Variants in VASH2 observed in about 807,000 individuals in gnomAD.
The protein encoded by VASH2 is vasohibin 2, also known as tubulinyl-Tyr carboxypeptidase 2.
Under a neutral mutation model 37.2 loss-of-function variants are expected in VASH2, and 28 were observed. The ratio of observed to expected loss-of-function variants is 0.75; its 90% confidence interval spans 0.56 to 1.03. The LOEUF is 1.03. Ranked by LOEUF, VASH2 falls within the 50% of genes least tolerant of loss-of-function variation. The pLI, the probability that VASH2 is intolerant of heterozygous loss-of-function variation, is 0.00. For missense variants in VASH2, 419 were observed against 459.1 expected (o/e 0.91, Z 0.80); for synonymous variants, 188 against 174.7 (o/e 1.08, Z -0.60).
At position 212,989,770 on chromosome 1, in the gene VASH2, C is replaced by T. The variant is rs2075838887; in HGVS notation, c.*1186C>T. On this transcript the variant is annotated 3_prime_UTR_variant, in exon 8 of 8. Transcript: ENST00000517399. ...GAAAAGTCTTCGGTCCAGTGTTACA[C>T]CTTATAGTGTAATTCAGTCCCTAAG... is the stretch of plus-strand genomic sequence containing the variant. 1 of 151,866 alleles carries T rather than the reference C, an allele frequency of 6.6e-6. No homozygotes were observed. Among genetic ancestry groups the T allele is most frequent in the Non-Finnish European group, 1.5e-5 (1 of 67,986 alleles). The allele number at this position is 151,866 out of a possible 1,614,324, so 9.4% of individuals were successfully genotyped here. A position where few individuals can be genotyped will look rare whatever the true frequency, so the allele number is the denominator to read the frequency against.
At chr1:212,988,028 T>C (rs1667533360) in intron 7 of VASH2, among the ~76,000 whole-genome samples, 1 of 152,224 alleles carries the variant, frequency 6.6e-6, no homozygotes, top group South Asian at 2.1e-4. Context: ...AAGATTCACC[T>C]TGATTTTATA....
At chr1:212,978,866 C>T (rs923770137) in intron 7 of VASH2, among the ~76,000 whole-genome samples, 1 of 152,172 alleles carries the variant, frequency 6.6e-6, no homozygotes, top group Non-Finnish European at 1.5e-5. Context: ...TCTCTTTCTC[C>T]AGCACTTGGA....
At chr1:212,960,526 A>G (rs541351520) in intron 2 of VASH2, among the ~76,000 whole-genome samples, 4 of 152,174 alleles carry the variant, frequency 2.6e-5, no homozygotes, top group Admixed American at 6.5e-5. Flanking sequence ...CCATGTTGCA[A>G]TTCGCTAGGG....
chr1:212,972,992 A>G (rs1160735964), intron 6 of VASH2, 31 bp downstream of exon 6: 2 of 1,591,582 alleles, frequency 1.3e-6, no homozygotes, highest in African/African-American at 2.7e-5. Context: ...GAAGCCATGC[A>G]GGAGAGCTCT....
chr1:212,965,882 T>G, intron 4 of VASH2, 104 bp downstream of exon 4: 1 of 1,229,826 alleles, frequency 8.1e-7, no homozygotes, highest in South Asian at 1.3e-5. Flanking sequence ...TCAGGTATCC[T>G]AGTCTGTAAG....
At position 212,961,145 on chromosome 1, in the gene VASH2, CT is replaced by C. The variant is rs1666662891; in HGVS notation, c.277-20del. ...AGAGCGCCTCCTTCATAAACACCTC[CT>C]CTTCTCTATTTTTCTGCAGCCTTCA... On this transcript the variant is annotated intron_variant, in intron 2 of 7. Transcript: ENST00000517399. 2 of 1,613,704 alleles carry C rather than the reference CT, an allele frequency of 1.2e-6. No individual in the cohort carries two copies. Among genetic ancestry groups the C allele is most frequent in the Non-Finnish European group, 8.5e-7 (1 of 1,179,674 alleles).
intron 2 of VASH2, among the ~76,000 whole-genome samples, chr1:212,960,575 A>G (rs962341660): frequency 6.6e-6 from 1 of 152,188 alleles, no homozygotes; most frequent in Non-Finnish European, 1.5e-5. Context: ...TGAATTTTAG[A>G]GATGGGGTTT....
chr1:212,966,063 G>T, intron 4 of VASH2: 1 of 603,250 alleles, frequency 1.7e-6, no homozygotes, highest in East Asian at 2.8e-5. Context: ...CCGTGCTGGG[G>T]CATTGGGAGG....
chr1:212,981,051 G>C (rs1362612334), intron 7 of VASH2, among the ~76,000 whole-genome samples: 3 of 152,224 alleles, frequency 2.0e-5, no homozygotes, highest in African/African-American at 7.2e-5. Context: ...GTCACATAGG[G>C]TCAGACAGGG....
intron 5 of VASH2, chr1:212,967,146 CCA>C (rs1194656169): frequency 7.7e-7 from 1 of 1,304,502 alleles, no homozygotes; most frequent in Non-Finnish European, 1.0e-6. Context: ...CTAGCTTCTC[CCA>C]CACTTTCTGT....
intron 7 of VASH2, among the ~76,000 whole-genome samples, chr1:212,975,427 T>C (rs1430180005): frequency 6.6e-6 from 1 of 152,194 alleles, no homozygotes; most frequent in African/African-American, 2.4e-5. Flanking sequence ...AGGCTGAAGA[T>C]GAGAACAGTT....
intron 7 of VASH2, among the ~76,000 whole-genome samples, chr1:212,988,074 G>A (rs866885021): frequency 6.6e-6 from 1 of 152,160 alleles, no homozygotes; most frequent in South Asian, 2.1e-4. Context: ...CCCTGGGAAC[G>A]TGAGTCACCT....
At chr1:212,975,985 T>C (rs1422358364) in intron 7 of VASH2, among the ~76,000 whole-genome samples, 1 of 152,162 alleles carries the variant, frequency 6.6e-6, no homozygotes, top group Non-Finnish European at 1.5e-5. Context: ...CAGGGCCATG[T>C]TGAGTTTTTA....
chr1:212,988,487 C>G, intron 7 of VASH2, 25 bp from the exon 8 acceptor site: 1 of 1,613,054 alleles, frequency 6.2e-7, no homozygotes. Context: ...CTCTCCTCCA[C>G]CATATTTCTG....
At chr1:212,970,669 T>G (rs529998620) in intron 5 of VASH2, among the ~76,000 whole-genome samples, 1 of 152,072 alleles carries the variant, frequency 6.6e-6, no homozygotes, top group South Asian at 2.1e-4. Context: ...GAGGACAGAT[T>G]ACCTGAGGTC....
Position 212,973,984 on chromosome 1 carries a change from G to A in VASH2, c.909G>A (p.Pro303=), listed in dbSNP as rs753988834. The change falls in exon 7 of 8, where the codon CCG becomes CCA. Residue 303 remains proline, a synonymous_variant. Transcript: ENST00000517399. The part of the protein sequence containing the change: ...KILKPASAHS[P]TQVRSRGKSL... ...TGAAACCTGCAAGTGCCCACTCTCCGACCCAAGTGAGAAGCCGGGGAAAAT... is the reference window on the plus strand; with the variant it reads ...TGAAACCTGCAAGTGCCCACTCTCCAACCCAAGTGAGAAGCCGGGGAAAAT... 4.9e-5 allele frequency: 79 copies of A among 1,613,640 alleles called. No homozygotes were observed. The highest frequency in any genetic ancestry group is 4.0e-4 in the East Asian group (18 of 44,882).
chr1:212,985,198 CTTTTTTTT>C (rs55804989), intron 7 of VASH2, among the ~76,000 whole-genome samples: 23 of 100,804 alleles, frequency 2.3e-4, no homozygotes, highest in South Asian at 3.2e-4. Context: ...ATTTTTTTTG[CTTTTTTTT>C]TTTTTTTTTT....
intron 3 of VASH2, among the ~76,000 whole-genome samples, chr1:212,963,080 G>A (rs1359908595): frequency 6.6e-6 from 1 of 152,076 alleles, no homozygotes; most frequent in Non-Finnish European, 1.5e-5. Context: ...AGAGTTAAGA[G>A]AATTAAACTG....
At chr1:212,952,109 C>A (rs907590903) in intron 2 of VASH2, among the ~76,000 whole-genome samples, 1 of 152,158 alleles carries the variant, frequency 6.6e-6, no homozygotes, top group African/African-American at 2.4e-5. Context: ...TTACTCACCC[C>A]CACATACATC....
Sources: gnomAD v4.1 joint callset for allele counts (sites outside exome capture counted in the v4.1 genomes callset) on GRCh38, gnomAD v4.1.1 for gene constraint, MANE v1.5 for transcripts, NCBI Gene and HGNC (gene_info 2026-07-23, HGNC 2026-07-21) for gene names.